C12orf75: variants seen among roughly 807,000 people sequenced by gnomAD.
C12orf75 encodes the protein overexpressed in colon carcinoma 1 protein.
In C12orf75, 4 loss-of-function variants were observed where a neutral mutation model predicts 11.4. The observed-to-expected ratio is 0.35, with a 90% confidence interval of 0.17 to 0.80. The LOEUF is 0.80. C12orf75 is among the 30% of genes least tolerant of loss of function. The probability of loss-of-function intolerance (pLI) is 0.52; values close to 1 mark genes in which losing one functional copy is unlikely to be tolerated. For synonymous variants in C12orf75, 30 were observed against 30.0 expected, an observed-to-expected ratio of 1.00 and a Z score of 0.00; for missense variants, 89 against 80.4, an observed-to-expected ratio of 1.11 and a Z score of -0.41.
chr12:105,342,238 A>G (rs1434984685), intron 1 of C12orf75, among the ~76,000 whole-genome samples: 4 of 152,246 alleles, frequency 2.6e-5, no homozygotes, highest in Non-Finnish European at 5.9e-5. Context: ...CTCTGCTCCC[A>G]TGAATGGATT....
At chr12:105,356,523 G>A (rs1416270057) in intron 2 of C12orf75, among the ~76,000 whole-genome samples, 2 of 132,940 alleles carry the variant, frequency 1.5e-5, no homozygotes, top group Non-Finnish European at 3.1e-5. Flanking sequence ...TGATGAATAA[G>A]TAAAAAATAA....
At chr12:105,363,303 C>A (rs1274512894) in intron 2 of C12orf75, among the ~76,000 whole-genome samples, 2 of 152,172 alleles carry the variant, frequency 1.3e-5, no homozygotes, top group Non-Finnish European at 2.9e-5. Flanking sequence ...ACCATTATAC[C>A]CACGGAGTCC....
intron 1 of C12orf75, among the ~76,000 whole-genome samples, chr12:105,347,965 A>C (rs1353315947): frequency 6.6e-6 from 1 of 152,238 alleles, no homozygotes; most frequent in African/African-American, 2.4e-5. Flanking sequence ...CTCGAAGTCT[A>C]CCAGTTTTAA....
chr12:105,350,250 T>C (rs1892694492), intron 2 of C12orf75, among the ~76,000 whole-genome samples: 1 of 152,234 alleles, frequency 6.6e-6, no homozygotes, highest in Non-Finnish European at 1.5e-5. Flanking sequence ...CCCATCGTCC[T>C]CTGGACTGAA....
intron 1 of C12orf75, among the ~76,000 whole-genome samples, chr12:105,335,095 C>T (rs192846948): frequency 1.4e-4 from 21 of 152,290 alleles, no homozygotes; most frequent in African/African-American, 5.1e-4. Flanking sequence ...CTTAACTTTG[C>T]AGGCAACTTA....
intron 2 of C12orf75, among the ~76,000 whole-genome samples, chr12:105,352,026 AAGG>A (rs1214282611): frequency 6.6e-6 from 1 of 152,178 alleles, no homozygotes; most frequent in Non-Finnish European, 1.5e-5. Flanking sequence ...AGCAGAGGGA[AAGG>A]AGAAGAGGTG....
chr12:105,358,997 G>A (rs569198349), intron 2 of C12orf75, among the ~76,000 whole-genome samples: 1 of 152,210 alleles, frequency 6.6e-6, no homozygotes, highest in Non-Finnish European at 1.5e-5. Context: ...TTCTCTAATG[G>A]ACTTAATGTC....
At chr12:105,340,531 A>C (rs1227563473) in intron 1 of C12orf75, among the ~76,000 whole-genome samples, 1 of 151,988 alleles carries the variant, frequency 6.6e-6, no homozygotes, top group African/African-American at 2.4e-5. Flanking sequence ...TGCATGATAC[A>C]TATATTACAT....
Position 105,365,820 on chromosome 12 carries a change from G to T in C12orf75, c.85G>T (p.Val29Leu). The T allele has an allele frequency of 6.5e-7, 1 of 1,549,264 alleles. No homozygotes were observed. The highest frequency in any genetic ancestry group is 1.2e-5 in the South Asian group (1 of 84,012). ...CTGACCTTTTAGAACAGAAGAATCC[G>T]TAACAGAAGATGACAAGAGGAGGTA... ...GAAKDVTEES[V>L]TEDDKRRNYG... Residue 29 changes from valine (V) to leucine (L), a missense_variant, in exon 3 of 6, where the codon GTA becomes TTA. By Grantham distance (32) the Val-to-Leu change is conservative. Transcript: ENST00000443585.
rs1013744225 is a variant in C12orf75 at position 105,330,732 on chromosome 12, G to T, written c.-160G>T. 21 of 628,468 alleles carry T rather than the reference G, an allele frequency of 3.3e-5. No homozygotes were observed. The African/African-American group carries it at 3.9e-4, about 12-fold the overall frequency. 38.9% of individuals were successfully genotyped at this position (628,468 alleles called of 1,614,324 possible). Reference sequence around the variant, plus strand: ...CCCGCAGCCCGCTGCGCCCCGGGCCGCGTCTCCCGGCGGTGGGAGGGGGCG... The same window carrying T: ...CCCGCAGCCCGCTGCGCCCCGGGCCTCGTCTCCCGGCGGTGGGAGGGGGCG... On this transcript the variant is annotated 5_prime_UTR_variant, in exon 1 of 6. Coordinates refer to ENST00000443585, the MANE Select transcript of C12orf75 (RefSeq NM_001145199.2).
intron 1 of C12orf75, among the ~76,000 whole-genome samples, chr12:105,343,922 A>T (rs1161499963): frequency 1.3e-5 from 2 of 151,998 alleles, no homozygotes; most frequent in Admixed American, 1.3e-4. Flanking sequence ...CCCCACCCCT[A>T]CCATTGCAGT....
At chr12:105,357,995 C>T (rs1299820062) in intron 2 of C12orf75, among the ~76,000 whole-genome samples, 1 of 152,056 alleles carries the variant, frequency 6.6e-6, no homozygotes, top group Non-Finnish European at 1.5e-5. Flanking sequence ...CAGGTGCAAG[C>T]CAGCATGCTT....
chr12:105,348,559 A>G, intron 1 of C12orf75, 43 bp from the exon 2 acceptor site: 2 of 1,416,048 alleles, frequency 1.4e-6, no homozygotes, highest in South Asian at 2.8e-5. Context: ...TTTTGTAGCA[A>G]TACTATCACA....
At chr12:105,363,833 A>G (rs1168027137) in intron 2 of C12orf75, among the ~76,000 whole-genome samples, 3 of 152,200 alleles carry the variant, frequency 2.0e-5, no homozygotes, top group African/African-American at 7.2e-5. Flanking sequence ...TAAATATGGC[A>G]ACTACATTAT....
chr12:105,331,107 C>A (rs1306948169), intron 1 of C12orf75, among the ~76,000 whole-genome samples, 170 bp downstream of exon 1: 2 of 151,910 alleles, frequency 1.3e-5, no homozygotes, highest in East Asian at 3.9e-4. Context: ...GCAAGTCCCC[C>A]GCGCGGGGGC....
intron 1 of C12orf75, among the ~76,000 whole-genome samples, chr12:105,344,764 A>T (rs997527587): frequency 4.6e-5 from 7 of 150,626 alleles, no homozygotes; most frequent in Non-Finnish European, 8.9e-5. Context: ...AAAAAAAAAA[A>T]GTTGAGGACT....
intron 2 of C12orf75, among the ~76,000 whole-genome samples, chr12:105,359,799 G>A (rs185838938): frequency 2.7e-5 from 4 of 149,816 alleles, no homozygotes; most frequent in East Asian, 1.9e-4. Flanking sequence ...AAAAGATTAC[G>A]ATTATACCAT....
rs1892641430 is a variant in C12orf75, at chr12:105,346,393, T to C, written c.47-2209T>C. 2.0e-5 allele frequency among the ~76,000 whole-genome samples: 3 copies of C among 152,352 alleles called. No homozygotes were observed. In the South Asian group the frequency reaches 6.2e-4, roughly 32 times the overall value. ...AATACTTTTTGATTTACACAGATTT[T>C]CTTCTAGATTCTCATGCTTGACTCT... On this transcript the variant is annotated intron_variant, in intron 1 of 5. Transcript: ENST00000443585.
chr12:105,364,175 G>A (rs1871387752), intron 2 of C12orf75, among the ~76,000 whole-genome samples: 1 of 152,196 alleles, frequency 6.6e-6, no homozygotes, highest in Non-Finnish European at 1.5e-5. Context: ...GTTCTTATCA[G>A]AACTTACCTT....
Sources: gnomAD v4.1 joint callset for allele counts (sites outside exome capture counted in the v4.1 genomes callset) on GRCh38, gnomAD v4.1.1 for gene constraint, MANE v1.5 for transcripts, NCBI Gene and HGNC (gene_info 2026-07-23, HGNC 2026-07-21) for gene names.